RANBP2: variants seen among roughly 807,000 people sequenced by gnomAD.
RANBP2 encodes the protein RAN binding protein 2.
In RANBP2, 57 loss-of-function variants were observed where a neutral mutation model predicts 303.6. The observed-to-expected ratio is 0.19, with a 90% confidence interval of 0.15 to 0.23. RANBP2 has a LOEUF of 0.23. Among genes scored for constraint, RANBP2 ranks in the 10% least tolerant of loss-of-function variants. The pLI, the probability that RANBP2 is intolerant of heterozygous loss-of-function variation, is 1.00. For missense variants in RANBP2, 3,138 were observed against 3,780.8 expected, an observed-to-expected ratio of 0.83 and a Z score of 4.46; for synonymous variants, 1,167 against 1,301.5, an observed-to-expected ratio of 0.90 and a Z score of 2.23.
chr2:109,760,418 C>T, the RANBP2 span: 9 of 885,452 alleles, frequency 1.0e-5, no homozygotes, highest in Non-Finnish European at 1.2e-5. Flanking sequence ...GCGGCGGCGG[C>T]GGCGGCGGCG....
chr2:109,511,066 G>A, the RANBP2 span, among the ~76,000 whole-genome samples: 2 of 152,198 alleles, frequency 1.3e-5, no homozygotes, highest in Non-Finnish European at 2.9e-5. Context: ...TCACAGATGG[G>A]GAAACTGAGG....
the RANBP2 span, among the ~76,000 whole-genome samples, chr2:108,957,632 A>G: frequency 6.6e-6 from 1 of 152,200 alleles, no homozygotes. Flanking sequence ...GGTGCCTCCA[A>G]CTGCATTTAC....
At chr2:109,728,711 C>T in the RANBP2 span, among the ~76,000 whole-genome samples, 1 of 150,646 alleles carries the variant, frequency 6.6e-6, no homozygotes, top group African/African-American at 2.4e-5. Flanking sequence ...CCTTGGCCTC[C>T]CAAAGTGCTG....
the RANBP2 span, among the ~76,000 whole-genome samples, chr2:109,006,408 C>T: frequency 1.3e-5 from 2 of 151,998 alleles, no homozygotes; most frequent in Admixed American, 6.5e-5. Context: ...GTTGGCCAGG[C>T]TGGTCTTGAA....
At chr2:109,709,420 A>G in the RANBP2 span, among the ~76,000 whole-genome samples, 1 of 152,240 alleles carries the variant, frequency 6.6e-6, no homozygotes, top group Non-Finnish European at 1.5e-5. Flanking sequence ...TGCTCCTGGG[A>G]AGCAAGCAGC....
the RANBP2 span, among the ~76,000 whole-genome samples, chr2:109,540,462 A>T: frequency 3.9e-5 from 6 of 152,108 alleles, no homozygotes; most frequent in African/African-American, 1.4e-4. Context: ...TATAGTTGAG[A>T]ACTGCTATTT....
At chr2:108,913,949 C>CAAAAAAAAAA in the RANBP2 span, among the ~76,000 whole-genome samples, 1 of 109,154 alleles carries the variant, frequency 9.2e-6, no homozygotes, top group Admixed American at 1.1e-4. Flanking sequence ...GATTCCGTCT[C>CAAAAAAAAAA]AAAAAAAAAA....
chr2:109,626,411 G>A, the RANBP2 span, among the ~76,000 whole-genome samples: 1 of 152,126 alleles, frequency 6.6e-6, no homozygotes, highest in African/African-American at 2.4e-5. Context: ...GGAGGTTAGA[G>A]TGAGCTGAGA....
At chr2:109,101,712 G>A in the RANBP2 span, among the ~76,000 whole-genome samples, 1 of 152,156 alleles carries the variant, frequency 6.6e-6, no homozygotes, top group African/African-American at 2.4e-5. Context: ...GTAGGGTTGA[G>A]AAGATAAAAG....
the RANBP2 span, among the ~76,000 whole-genome samples, chr2:108,831,459 C>T: frequency 3.3e-5 from 5 of 151,926 alleles, no homozygotes; most frequent in Non-Finnish European, 5.9e-5. Flanking sequence ...TAAATACTGT[C>T]GGAAGAGGCT....
the RANBP2 span, among the ~76,000 whole-genome samples, chr2:109,234,799 G>A: frequency 6.6e-6 from 1 of 152,136 alleles, no homozygotes; most frequent in African/African-American, 2.4e-5. Context: ...CTGACTTCCT[G>A]GGGAAATTCA....
chr2:109,301,316 G>C, the RANBP2 span, among the ~76,000 whole-genome samples: 1 of 145,860 alleles, frequency 6.9e-6, no homozygotes, highest in Non-Finnish European at 1.5e-5. Context: ...GGTGGGGGGC[G>C]GGCTGTGTAT....
the RANBP2 span, among the ~76,000 whole-genome samples, chr2:109,246,942 A>T: frequency 1.6e-4 from 24 of 152,280 alleles, no homozygotes; most frequent in Non-Finnish European, 3.1e-4. Context: ...CTCAGCCTTG[A>T]GGAGGCGTTC....
chr2:109,491,024 G>A, the RANBP2 span: 1 of 1,257,462 alleles, frequency 8.0e-7, no homozygotes, highest in Non-Finnish European at 1.0e-6. Flanking sequence ...GGACACTGTG[G>A]CCTTGCTGGG....
chr2:109,328,182 T>C, the RANBP2 span, among the ~76,000 whole-genome samples: 1 of 152,366 alleles, frequency 6.6e-6, no homozygotes, highest in Admixed American at 6.5e-5. Flanking sequence ...TTGCCTGATA[T>C]TAGTCCATGT....
At chr2:109,500,878 A>C in the RANBP2 span, among the ~76,000 whole-genome samples, 1 of 152,110 alleles carries the variant, frequency 6.6e-6, no homozygotes, top group Non-Finnish European at 1.5e-5. Context: ...TGAGCCTGGG[A>C]GCTCAAGGCT....
the RANBP2 span, among the ~76,000 whole-genome samples, chr2:109,373,676 G>A: frequency 1.3e-5 from 2 of 152,128 alleles, no homozygotes; most frequent in Non-Finnish European, 1.5e-5. Context: ...GAGGTTCTGG[G>A]CTGCAGAAAG....
At chr2:109,399,022 T>G in the RANBP2 span, 6 of 1,399,580 alleles carry the variant, frequency 4.3e-6, no homozygotes, top group Non-Finnish European at 5.8e-6. Flanking sequence ...GTGTCCCCCG[T>G]TCCTCAACTA....
chr2:109,454,832 C>G, the RANBP2 span, among the ~76,000 whole-genome samples: 4 of 151,884 alleles, frequency 2.6e-5, no homozygotes, highest in Non-Finnish European at 5.9e-5. Flanking sequence ...TAGAAGGCAC[C>G]TGGTGATGAT....
Sources: gnomAD v4.1 joint callset for allele counts (sites outside exome capture counted in the v4.1 genomes callset) on GRCh38, gnomAD v4.1.1 for gene constraint, MANE v1.5 for transcripts, NCBI Gene and HGNC (gene_info 2026-07-23, HGNC 2026-07-21) for gene names.